Variants in KLRD1 observed in about 807,000 individuals in gnomAD.
KLRD1 encodes killer cell lectin like receptor D1.
A neutral mutation model predicts 22.6 loss-of-function variants in KLRD1; 21 were observed. The observed-to-expected ratio is 0.93, with a 90% CI of 0.66 to 1.34. The LOEUF (loss-of-function observed/expected upper bound fraction) is 1.34, where lower values mean the gene tolerates loss of function less well. Among genes scored for constraint, KLRD1 ranks in the 40% most tolerant of loss-of-function variants. The pLI, the probability that KLRD1 is intolerant of heterozygous loss-of-function variation, is 0.00. For missense variants in KLRD1, 183 were observed against 208.6 expected, an observed-to-expected ratio of 0.88 and a Z score of 0.76; for synonymous variants, 59 against 71.1, an observed-to-expected ratio of 0.83 and a Z score of 0.85.
rs1950293318 is a variant in KLRD1, at chr12:10,319,741, ATTACAGCC to A, written c.*4949_*4956del. 1.3e-5 allele frequency: 2 copies of A among 152,056 alleles called. No homozygotes were observed. The highest frequency in any genetic ancestry group is 4.2e-4 in the South Asian group (2 of 4,802). 9.4% of individuals were successfully genotyped at this position (152,056 alleles called of 1,614,324 possible). On this transcript the variant is annotated 3_prime_UTR_variant, in exon 6 of 6. Coordinates refer to ENST00000336164, the MANE Select transcript of KLRD1 (RefSeq NM_002262.5). ...CCAGTCTTAGTCAAGCCTTCAGATG[ATTACAGCC>A]CCCAGCCAACACCTTGACGGCAACC...
At chr12:10,265,965 A>G (rs1219053019) in intron 1 of KLRD1, among the ~76,000 whole-genome samples, 1 of 152,180 alleles carries the variant, frequency 6.6e-6, no homozygotes, top group African/African-American at 2.4e-5. Flanking sequence ...ACCTCCCTTC[A>G]TGGTCCCTCT....
At chr12:10,289,395 TTA>T (rs1209659030) in intron 1 of KLRD1, among the ~76,000 whole-genome samples, 4 of 152,294 alleles carry the variant, frequency 2.6e-5, no homozygotes, top group Non-Finnish European at 5.9e-5. Flanking sequence ...TTGAAACGAG[TTA>T]TGTTTTCTCC....
In KLRD1 at chr12:10,311,506, G is replaced by T. The variant is rs375310490; in HGVS notation, c.206G>T (p.Arg69Leu). The part of the protein sequence containing the change: ...CSCQEKWVGY[R>L]CNCYFISSEQ... ...TGCCAAGAAAAATGGGTTGGGTACC[G>T]GTGCAACTGTTACTTCATTTCCAGT... The change falls in exon 4 of 6, where the codon CGG becomes CTG. Residue 69 changes from arginine (R) to leucine (L), a missense_variant. Arg to Leu is a moderately radical substitution (Grantham distance 102, BLOSUM62 -2). Coordinates refer to ENST00000336164, the MANE Select transcript of KLRD1 (RefSeq NM_002262.5). 4.3e-6 allele frequency: 7 copies of T among 1,613,464 alleles called. No individual in the cohort carries two copies. The highest frequency in any genetic ancestry group is 4.0e-5 in the African/African-American group (3 of 74,888).
chr12:10,315,318 G>A lies in KLRD1; in HGVS notation c.*525G>A, dbSNP rs560268573. 1.3e-4 allele frequency: 57 copies of A among 439,242 alleles called. No homozygotes were observed. Among genetic ancestry groups the A allele is most frequent in the Non-Finnish European group, 2.1e-4 (46 of 219,020 alleles). 27.2% of individuals were successfully genotyped at this position (439,242 alleles called of 1,614,324 possible). ...ATTTTTAATTTTTTGTCAAGACAAGGTCTTGCTATGTTGCCCAGGCTGGTC... is the reference window on the plus strand; with the variant it reads ...ATTTTTAATTTTTTGTCAAGACAAGATCTTGCTATGTTGCCCAGGCTGGTC... On this transcript the variant is annotated 3_prime_UTR_variant, in exon 6 of 6. Transcript: ENST00000336164.
intron 4 of KLRD1, among the ~76,000 whole-genome samples, chr12:10,312,882 G>A (rs886846026): frequency 3.3e-5 from 5 of 151,860 alleles, no homozygotes; most frequent in African/African-American, 1.2e-4. Context: ...AGCTACTCGG[G>A]AGGCGGAGGC....
intron 1 of KLRD1, among the ~76,000 whole-genome samples, chr12:10,253,108 T>TA (rs1366755791): frequency 6.6e-6 from 1 of 152,214 alleles, no homozygotes; most frequent in Non-Finnish European, 1.5e-5. Context: ...TAGATTTTCT[T>TA]ATGTTTCTTT....
chr12:10,309,611 A>G lies in KLRD1; in HGVS notation c.101-15A>G, dbSNP rs375434329. 5.6e-6 allele frequency: 9 copies of G among 1,594,556 alleles called. No homozygotes were observed. The highest frequency in any genetic ancestry group is 7.7e-6 in the Non-Finnish European group (9 of 1,162,972). ...CCCATACCTAATTAAACAAATTTCT[A>G]ATCATTTCTTATAGCTTTTACTAAA... On this transcript the variant is annotated splice_polypyrimidine_tract_variant and intron_variant, in intron 2 of 5. Coordinates refer to ENST00000336164, the MANE Select transcript of KLRD1 (RefSeq NM_002262.5).
At chr12:10,291,975 T>C (rs1386007393) in intron 1 of KLRD1, among the ~76,000 whole-genome samples, 1 of 152,200 alleles carries the variant, frequency 6.6e-6, no homozygotes, top group Non-Finnish European at 1.5e-5. Flanking sequence ...CATAATCTCA[T>C]TCTTTTTTAT....
At chr12:10,253,777 C>G (rs1949366167) in intron 1 of KLRD1, among the ~76,000 whole-genome samples, 1 of 152,138 alleles carries the variant, frequency 6.6e-6, no homozygotes, top group Non-Finnish European at 1.5e-5. Context: ...CACAGTATTC[C>G]ATGGTGTATA....
intron 1 of KLRD1, among the ~76,000 whole-genome samples, chr12:10,264,231 A>G (rs1399714895): frequency 6.6e-6 from 1 of 152,084 alleles, no homozygotes; most frequent in Non-Finnish European, 1.5e-5. Context: ...CACAGATAGG[A>G]TTAGCTTATT....
intron 1 of KLRD1, among the ~76,000 whole-genome samples, chr12:10,244,835 ATT>A (rs1443535461): frequency 1.3e-5 from 2 of 152,000 alleles, no homozygotes; most frequent in Non-Finnish European, 2.9e-5. Flanking sequence ...AAAAAACTTC[ATT>A]GAAGAAATCA....
At chr12:10,281,038 GCGA>G (rs953720846) in intron 1 of KLRD1, among the ~76,000 whole-genome samples, 1 of 152,186 alleles carries the variant, frequency 6.6e-6, no homozygotes, top group African/African-American at 2.4e-5. Flanking sequence ...ACCTTATAGG[GCGA>G]GAGATACTTA....
chr12:10,239,464 TC>T (rs1358613437), intron 1 of KLRD1, among the ~76,000 whole-genome samples: 520 of 44,848 alleles, frequency 0.012, 44 homozygotes, highest in African/African-American at 0.036. Context: ...CTTCCTTCCT[TC>T]CTTCCTTCCT....
rs939121080 is a variant in KLRD1 at position 10,316,209 on chromosome 12, C to G, written c.*1416C>G. Reference sequence around the variant, plus strand: ...ACCTTTGTTATTTAGTGTACTCCAACCACGGAGTAACATCCCATCATAATC... The same window carrying G: ...ACCTTTGTTATTTAGTGTACTCCAAGCACGGAGTAACATCCCATCATAATC... On this transcript the variant is annotated 3_prime_UTR_variant, in exon 6 of 6. Transcript: ENST00000336164. 2 of 151,138 alleles carry G rather than the reference C, an allele frequency of 1.3e-5. No individual in the cohort carries two copies. Among genetic ancestry groups the G allele is most frequent in the African/African-American group, 4.9e-5 (2 of 41,078 alleles). 9.4% of individuals were successfully genotyped at this position (151,138 alleles called of 1,614,324 possible).
chr12:10,307,977 G>A lies in KLRD1; in HGVS notation c.-101G>A. 9.4e-7 allele frequency: 1 copy of A among 1,066,160 alleles called. No homozygotes were observed. The allele number at this position is 1,066,160 out of a possible 1,614,324, so 66.0% of individuals were successfully genotyped here. ...TAAATTTCTTCATACTCAACTTTCA[G>A]ATTCTTTAATCTCCAGCTCAGCTTC... is the stretch of plus-strand genomic sequence containing the variant. On this transcript the variant is annotated 5_prime_UTR_variant, in exon 1 of 6. Transcript: ENST00000336164.
intron 1 of KLRD1, among the ~76,000 whole-genome samples, chr12:10,245,855 TGTCACCCAG>T (rs1371062335): frequency 6.6e-6 from 1 of 152,192 alleles, no homozygotes; most frequent in Non-Finnish European, 1.5e-5. Context: ...AGTCTTACCC[TGTCACCCAG>T]GTTGAAGTGC....
At position 10,239,417 on chromosome 12, in the gene KLRD1, T is replaced by C. The variant is rs59915086; in HGVS notation, c.-101+13184T>C. ...GCAGCAGCATTTCCTTCCTTCCTTCTTTCCATCCTTCCTTCCTTTCCTTCC... is the reference window on the plus strand; with the variant it reads ...GCAGCAGCATTTCCTTCCTTCCTTCCTTCCATCCTTCCTTCCTTTCCTTCC... On this transcript the variant is annotated intron_variant, in intron 1 of 5. Transcript: ENST00000544747. Among the ~76,000 whole-genome samples, 515 of 55,430 alleles carry C rather than the reference T, an allele frequency of 9.3e-3. 31 individuals are homozygous for C. The East Asian group carries it at 0.26, about 28-fold the overall frequency. The allele number at this position is 55,430 out of a possible 152,430, so 36.4% of individuals were successfully genotyped here.
intron 1 of KLRD1, among the ~76,000 whole-genome samples, chr12:10,242,071 G>GTTTTTTTTTTT (rs72326980): frequency 5.0e-5 from 5 of 99,396 alleles, no homozygotes; most frequent in Non-Finnish European, 9.3e-5. Flanking sequence ...TGTTCTTGCT[G>GTTTTTTTTTTT]TTTTTTTTTT....
At chr12:10,308,500 G>T (rs1156424620) in intron 1 of KLRD1, 1 of 189,598 alleles carries the variant, frequency 5.3e-6, no homozygotes, top group Non-Finnish European at 1.1e-5. Flanking sequence ...ACATTGTACT[G>T]TTGTTAATGA....
Sources: gnomAD v4.1 joint callset for allele counts (sites outside exome capture counted in the v4.1 genomes callset) on GRCh38, gnomAD v4.1.1 for gene constraint, MANE v1.5 for transcripts, NCBI Gene and HGNC (gene_info 2026-07-23, HGNC 2026-07-21) for gene names.